FBXO28: variants seen among roughly 807,000 people sequenced by gnomAD.
FBXO28 encodes the protein F-box protein 28.
FBXO28 carries 8 observed loss-of-function variants against 38.1 expected under a neutral mutation model. The ratio of observed to expected loss-of-function variants is 0.21; its 90% CI spans 0.12 to 0.38. FBXO28 has a LOEUF of 0.38. FBXO28 is among the 10% of genes least tolerant of loss of function. The probability of loss-of-function intolerance (pLI) is 1.00; values close to 1 mark genes in which losing one functional copy is unlikely to be tolerated. For missense variants in FBXO28, 345 were observed against 460.6 expected, an observed-to-expected ratio of 0.75 and a Z score of 2.30; for synonymous variants, 168 against 173.8, an observed-to-expected ratio of 0.97 and a Z score of 0.26.
intron 1 of FBXO28, among the ~76,000 whole-genome samples, chr1:224,127,172 GTGTGTGTGTGTA>G (rs1302906167): frequency 0.039 from 1,967 of 50,898 alleles, 53 homozygotes; most frequent in African/African-American, 0.087. Context: ...ATTTGTGTGT[GTGTGTGTGTGTA>G]TGTGTGTGTG....
At chr1:224,133,926 C>G in intron 2 of FBXO28, 148 bp from the exon 3 acceptor site, 1 of 502,594 alleles carries the variant, frequency 2.0e-6, no homozygotes, top group Non-Finnish European at 3.3e-6. Context: ...GTGATTCATT[C>G]ATCATTACAG....
chr1:224,134,020 G>T, intron 2 of FBXO28, 54 bp from the exon 3 acceptor site: 3 of 1,320,666 alleles, frequency 2.3e-6, no homozygotes, highest in Non-Finnish European at 3.0e-6. Context: ...TAATATTTTA[G>T]TCCACAATAC....
chr1:224,139,784 A>G (rs1349221581), intron 3 of FBXO28, among the ~76,000 whole-genome samples: 4 of 151,724 alleles, frequency 2.6e-5, no homozygotes, highest in Admixed American at 6.6e-5. Flanking sequence ...ATACATACAT[A>G]CATACATACA....
In FBXO28 at chr1:224,153,577, A is replaced by T. The variant is rs148141128; in HGVS notation, c.712+240A>T. On this transcript the variant is annotated intron_variant, in intron 4 of 4. Transcript: ENST00000366862. Reference sequence around the variant, plus strand: ...AACAATCTGAGCGGTCTTGCGACTAAATCTTTGCACATATCCATATTGACT... The same window carrying T: ...AACAATCTGAGCGGTCTTGCGACTATATCTTTGCACATATCCATATTGACT... Among the ~76,000 whole-genome samples, 171 of 152,252 alleles carry T rather than the reference A, an allele frequency of 1.1e-3. 1 individual carries two copies. The highest frequency in any genetic ancestry group is 7.7e-3 in the Admixed American group (118 of 15,280).
rs1449123352 is a variant in FBXO28 at position 224,161,175 on chromosome 1, C to G, written c.*3429C>G. On this transcript the variant is annotated 3_prime_UTR_variant, in exon 5 of 5. Transcript: ENST00000366862. ...GATTCATTTCTTGAGTTCTCTGTTT[C>G]CTTAGCCATAATATTTTCTAGGATC... 6.6e-6 allele frequency: 1 copy of G among 152,102 alleles called. No individual in the cohort carries two copies. Among genetic ancestry groups the G allele is most frequent in the Non-Finnish European group, 1.5e-5 (1 of 68,016 alleles). 9.4% of individuals were successfully genotyped at this position (152,102 alleles called of 1,614,324 possible).
At chr1:224,126,045 A>G (rs1656895545) in intron 1 of FBXO28, among the ~76,000 whole-genome samples, 1 of 152,168 alleles carries the variant, frequency 6.6e-6, no homozygotes, top group Non-Finnish European at 1.5e-5. Context: ...TTGCTTGCTA[A>G]TGGTTTGTTC....
chr1:224,137,028 A>G (rs947213387), intron 3 of FBXO28, among the ~76,000 whole-genome samples: 11 of 151,646 alleles, frequency 7.3e-5, no homozygotes, highest in Non-Finnish European at 1.6e-4. Context: ...CTGGGATTAC[A>G]GGTGTGAACC....
chr1:224,129,646 C>T (rs1306272088), intron 1 of FBXO28, among the ~76,000 whole-genome samples: 3 of 152,086 alleles, frequency 2.0e-5, no homozygotes, highest in Non-Finnish European at 4.4e-5. Flanking sequence ...GTAAATGATA[C>T]TTTTTTGCCT....
At chr1:224,123,284 C>T (rs1024321701) in intron 1 of FBXO28, among the ~76,000 whole-genome samples, 1 of 151,788 alleles carries the variant, frequency 6.6e-6, no homozygotes, top group South Asian at 2.1e-4. Context: ...TGGTTCATGC[C>T]TGTAATCCTA....
In FBXO28 at chr1:224,159,313, C is replaced by T. The variant is rs549298389; in HGVS notation, c.*1567C>T. On this transcript the variant is annotated 3_prime_UTR_variant, in exon 5 of 5. Coordinates refer to ENST00000366862, the MANE Select transcript of FBXO28 (RefSeq NM_015176.4). The stretch of plus-strand genomic sequence containing the variant: ...GTTATCACCTTTTTTATCCGTCCAC[C>T]GTGACATGGTTATGCATCCTTTAGA... The T allele has an allele frequency of 3.3e-5, 5 of 152,410 alleles. No individual in the cohort carries two copies. The South Asian group carries it at 8.4e-4, about 26-fold the overall frequency. The allele number at this position is 152,410 out of a possible 1,614,324, so 9.4% of individuals were successfully genotyped here.
intron 2 of FBXO28, among the ~76,000 whole-genome samples, chr1:224,132,257 A>G (rs1438115155): frequency 6.6e-6 from 1 of 152,164 alleles, no homozygotes; most frequent in East Asian, 1.9e-4. Flanking sequence ...GTCTCCAAAA[A>G]AAAGGACAAA....
intron 4 of FBXO28, among the ~76,000 whole-genome samples, chr1:224,154,625 G>A (rs1267211669): frequency 6.6e-6 from 1 of 151,278 alleles, no homozygotes. Context: ...TGGCTAACAT[G>A]GTGAAACCCC....
intron 4 of FBXO28, among the ~76,000 whole-genome samples, chr1:224,153,711 G>A (rs562619440): frequency 8.6e-5 from 13 of 151,076 alleles, no homozygotes; most frequent in African/African-American, 1.7e-4. Context: ...ACCTGAGGTC[G>A]GTAGTTCAAG....
chr1:224,153,417 A>C, intron 4 of FBXO28, 80 bp downstream of exon 4: 1 of 1,059,112 alleles, frequency 9.4e-7, no homozygotes, highest in East Asian at 2.5e-5. Context: ...AGTGTCTTGA[A>C]CTTTTCTGTG....
In FBXO28 at chr1:224,157,386, G is replaced by C; in HGVS notation, c.747G>C (p.Gln249His). 6.2e-7 allele frequency: 1 copy of C among 1,613,848 alleles called. No homozygotes were observed. Among genetic ancestry groups the C allele is most frequent in the Admixed American group, 1.7e-5 (1 of 59,948 alleles). Residue 249 changes from glutamine to histidine, a missense_variant, in exon 5 of 5, where the codon CAG becomes CAC. By Grantham distance (24) the Gln-to-His change is conservative (BLOSUM62 0). Around this residue, in one of 6 missense-constraint regions of FBXO28, gnomAD observed 151 missense variants for 188.3 expected, o/e 0.80. Transcript: ENST00000366862. Reference protein sequence around the residue: ...PGPSAALTTMQLFSKQNPSRQ... With the variant: ...PGPSAALTTMHLFSKQNPSRQ... ...CGTCTGCAGCCCTAACAACAATGCA[G>C]CTCTTCTCCAAGCAAAATCCTTCAA...
At chr1:224,140,053 T>C (rs1657307952) in intron 3 of FBXO28, among the ~76,000 whole-genome samples, 1 of 152,202 alleles carries the variant, frequency 6.6e-6, no homozygotes, top group South Asian at 2.1e-4. Context: ...ATCATTCCAC[T>C]GCACTCCAGC....
chr1:224,128,622 A>G (rs1656960710), intron 1 of FBXO28, among the ~76,000 whole-genome samples: 1 of 152,116 alleles, frequency 6.6e-6, no homozygotes, highest in Admixed American at 6.6e-5. Context: ...GATGACTTGG[A>G]CAAGAATGCA....
chr1:224,132,981 G>A (rs1657089300), intron 2 of FBXO28, among the ~76,000 whole-genome samples: 1 of 152,106 alleles, frequency 6.6e-6, no homozygotes, highest in Admixed American at 6.6e-5. Context: ...CCAAAAAGTG[G>A]AGACAATCCA....
chr1:224,143,582 T>A (rs1257977675), intron 3 of FBXO28, among the ~76,000 whole-genome samples: 2 of 152,126 alleles, frequency 1.3e-5, no homozygotes, highest in African/African-American at 4.8e-5. Context: ...CCCAACACTT[T>A]GGGAGGCCGA....
Sources: allele counts gnomAD v4.1 joint callset (sites outside exome capture counted in the v4.1 genomes callset), GRCh38; gene constraint gnomAD v4.1.1; regional missense constraint gnomAD v4.1.1; transcripts MANE v1.5; gene names NCBI Gene and HGNC (gene_info 2026-07-23, HGNC 2026-07-21).